The following GALNTL6 variants were observed in gnomAD, a reference collection of about 807,000 sequenced individuals.
GALNTL6 encodes polypeptide N-acetylgalactosaminyltransferase-like 6.
GALNTL6 carries 46 observed loss-of-function variants against 73.7 expected under a neutral mutation model. The observed-to-expected ratio is 0.62, with a 90% CI of 0.49 to 0.80. The LOEUF (loss-of-function observed/expected upper bound fraction) is 0.80, where lower values mean the gene tolerates loss of function less well. Among genes scored for constraint, GALNTL6 ranks in the 30% least tolerant of loss-of-function variants. The pLI is 0.00. For synonymous variants in GALNTL6, 259 were observed against 263.7 expected, an observed-to-expected ratio of 0.98 and a Z score of 0.17; for missense variants, 604 against 755.0, an observed-to-expected ratio of 0.80 and a Z score of 2.34.
In GALNTL6 at chr4:171,841,044, G is replaced by A. The variant is rs191131799; in HGVS notation, c.138+26326G>A. ...TGTGGATTCTGTTTCTAGAACCTCCGGTACTTGTACCAAGGGTGGCTGTGA... is the reference window on the plus strand; with the variant it reads ...TGTGGATTCTGTTTCTAGAACCTCCAGTACTTGTACCAAGGGTGGCTGTGA... On this transcript the variant is annotated intron_variant, in intron 2 of 12. Coordinates refer to ENST00000506823, the MANE Select transcript of GALNTL6 (RefSeq NM_001034845.3). Among the ~76,000 whole-genome samples, 82 of 152,184 alleles carry A rather than the reference G, an allele frequency of 5.4e-4. 1 individual carries two copies. The highest frequency in any genetic ancestry group is 2.6e-4 in the Admixed American group (4 of 15,272).
intron 2 of GALNTL6, among the ~76,000 whole-genome samples, chr4:171,874,316 A>T (rs1736217247): frequency 6.6e-6 from 1 of 152,050 alleles, no homozygotes; most frequent in African/African-American, 2.4e-5. Flanking sequence ...GATTCTCCTG[A>T]GTAGCTGGGA....
chr4:172,449,790 T>G (rs747914139), intron 5 of GALNTL6, among the ~76,000 whole-genome samples: 1 of 152,226 alleles, frequency 6.6e-6, no homozygotes, highest in Non-Finnish European at 1.5e-5. Context: ...AGATGACTCT[T>G]GAACTAATGT....
rs574229636 is a variant in GALNTL6 at position 172,821,550 on chromosome 4, T to G, written c.923+7827T>G. ...TCTTATCATTAGACCAAACTAGAGC[T>G]GATAGGTTGAAAATGTCAGCTTTCA... On this transcript the variant is annotated intron_variant, in intron 7 of 12. Coordinates refer to ENST00000506823, the MANE Select transcript of GALNTL6 (RefSeq NM_001034845.3). 2.2e-4 allele frequency among the ~76,000 whole-genome samples: 33 copies of G among 152,322 alleles called. 1 individual carries two copies. The South Asian group carries it at 5.8e-3, about 27-fold the overall frequency.
rs117953452 is a variant in GALNTL6 at position 172,850,286 on chromosome 4, A to C, written c.924-32504A>C. Among the ~76,000 whole-genome samples, 51 of 152,298 alleles carry C rather than the reference A, an allele frequency of 3.3e-4. No individual in the cohort carries two copies. In the East Asian group the frequency reaches 6.6e-3, roughly 20 times the overall value. On this transcript the variant is annotated intron_variant, in intron 7 of 12. Coordinates refer to ENST00000506823, the MANE Select transcript of GALNTL6 (RefSeq NM_001034845.3). The stretch of plus-strand genomic sequence containing the variant: ...AGAAAATAACAATTGGCCACAGGGA[A>C]ATATGATTGAATTGGAGGTTCATAA...
chr4:172,153,204 G>C (rs923694986), intron 2 of GALNTL6, among the ~76,000 whole-genome samples: 2 of 152,132 alleles, frequency 1.3e-5, no homozygotes, highest in Non-Finnish European at 2.9e-5. Flanking sequence ...AGAGATTTTG[G>C]AAAGAAGAGC....
intron 2 of GALNTL6, among the ~76,000 whole-genome samples, chr4:171,818,906 A>AT (rs1172812982): frequency 6.6e-6 from 1 of 151,968 alleles, no homozygotes; most frequent in Non-Finnish European, 1.5e-5. Flanking sequence ...GAACAACAAT[A>AT]TTTTTTCCAG....
In GALNTL6 at chr4:172,581,257, C is replaced by T. The variant is rs557383561; in HGVS notation, c.554-228104C>T. 3.2e-4 allele frequency among the ~76,000 whole-genome samples: 48 copies of T among 152,322 alleles called. No individual in the cohort carries two copies. The South Asian group carries it at 9.5e-3, about 30-fold the overall frequency. ...TGCAAAATCATCTTTTTCATTCTCA[C>T]ATTGGCCTTCCCATCCAGAGTGTGC... On this transcript the variant is annotated intron_variant, in intron 5 of 12. Coordinates refer to ENST00000506823, the MANE Select transcript of GALNTL6 (RefSeq NM_001034845.3).
At chr4:171,945,916 G>T (rs947970265) in intron 2 of GALNTL6, among the ~76,000 whole-genome samples, 1 of 152,046 alleles carries the variant, frequency 6.6e-6, no homozygotes, top group African/African-American at 2.4e-5. Context: ...GAATCTTGAG[G>T]CAATCCCAGG....
At chr4:172,289,893 C>G (rs1263569040) in intron 3 of GALNTL6, among the ~76,000 whole-genome samples, 1 of 152,138 alleles carries the variant, frequency 6.6e-6, no homozygotes, top group Non-Finnish European at 1.5e-5. Context: ...CTCTAGACTT[C>G]TTGGTTATTA....
intron 5 of GALNTL6, among the ~76,000 whole-genome samples, chr4:172,612,945 A>G (rs987392574): frequency 2.6e-5 from 4 of 152,092 alleles, no homozygotes; most frequent in Non-Finnish European, 5.9e-5. Flanking sequence ...GCCCTGGCCT[A>G]TTTATTCTAT....
chr4:172,477,410 A>T (rs1373285368), intron 5 of GALNTL6, among the ~76,000 whole-genome samples: 1 of 152,180 alleles, frequency 6.6e-6, no homozygotes, highest in East Asian at 1.9e-4. Flanking sequence ...TTCTTGCGTT[A>T]TAAGAAGTTT....
intron 5 of GALNTL6, among the ~76,000 whole-genome samples, chr4:172,386,030 G>A: frequency 6.6e-6 from 1 of 151,974 alleles, no homozygotes; most frequent in East Asian, 1.9e-4. Flanking sequence ...CTATAAAAGA[G>A]CTTTGTTCTA....
chr4:171,951,842 G>C lies in GALNTL6; in HGVS notation c.138+137124G>C, dbSNP rs1434372542. Among the ~76,000 whole-genome samples, 3 of 151,936 alleles carry C rather than the reference G, an allele frequency of 2.0e-5. No individual in the cohort carries two copies. In the South Asian group the frequency reaches 6.2e-4, roughly 31 times the overall value. ...ACTTTAATAACATATCAAAACTTGA[G>C]GGATAAAGCTATAGCAATAATTTAG... On this transcript the variant is annotated intron_variant, in intron 2 of 12. Coordinates refer to ENST00000506823, the MANE Select transcript of GALNTL6 (RefSeq NM_001034845.3).
At chr4:172,304,611 G>A (rs1578933929) in intron 3 of GALNTL6, among the ~76,000 whole-genome samples, 1 of 152,110 alleles carries the variant, frequency 6.6e-6, no homozygotes, top group African/African-American at 2.4e-5. Flanking sequence ...ACTGATTTAT[G>A]TTTCTCTTGT....
intron 2 of GALNTL6, among the ~76,000 whole-genome samples, chr4:172,086,562 A>T (rs1732039939): frequency 6.6e-6 from 1 of 152,140 alleles, no homozygotes. Flanking sequence ...GATACCTATA[A>T]ACACATGCAC....
At chr4:172,000,497 C>T (rs886878523) in intron 2 of GALNTL6, among the ~76,000 whole-genome samples, 2 of 151,996 alleles carry the variant, frequency 1.3e-5, no homozygotes, top group African/African-American at 4.8e-5. Context: ...GAATGTATGC[C>T]ACACCTATCA....
chr4:172,820,801 G>C (rs552380320), intron 7 of GALNTL6, among the ~76,000 whole-genome samples: 1 of 152,224 alleles, frequency 6.6e-6, no homozygotes, highest in Non-Finnish European at 1.5e-5. Flanking sequence ...AAATCAAATT[G>C]ATGCATAAAA....
At chr4:172,682,963 C>G (rs1299358072) in intron 5 of GALNTL6, among the ~76,000 whole-genome samples, 3 of 152,084 alleles carry the variant, frequency 2.0e-5, no homozygotes, top group Admixed American at 1.3e-4. Flanking sequence ...CTTTATAACA[C>G]AACTTTAGGA....
At chr4:172,887,860 G>A (rs1319933673) in intron 8 of GALNTL6, among the ~76,000 whole-genome samples, 3 of 151,962 alleles carry the variant, frequency 2.0e-5, no homozygotes, top group East Asian at 1.9e-4. Context: ...CACTGCACCC[G>A]GCCTCTATTT....
Sources: allele counts gnomAD v4.1 joint callset (sites outside exome capture counted in the v4.1 genomes callset), GRCh38; gene constraint gnomAD v4.1.1; transcripts MANE v1.5; gene names NCBI Gene and HGNC (gene_info 2026-07-23, HGNC 2026-07-21).